Variants in CIMIP2B observed in about 807,000 individuals in gnomAD.
The protein encoded by CIMIP2B is family with sequence similarity 166 member B.
the CIMIP2B span, chr9:35,563,700 G>C: frequency 1.4e-6 from 2 of 1,470,714 alleles, no homozygotes; most frequent in Non-Finnish European, 1.9e-6. Context: ...GCTCTAAGCA[G>C]CTTAATTCCT....
At chr9:35,562,336 A>G in the CIMIP2B span, 4 of 1,280,954 alleles carry the variant, frequency 3.1e-6, no homozygotes, top group South Asian at 4.7e-5. Context: ...ACCCATACAA[A>G]CAAACATTCC....
chr9:35,562,426 G>T, the CIMIP2B span: 6 of 1,555,044 alleles, frequency 3.9e-6, no homozygotes, highest in East Asian at 6.8e-5. Flanking sequence ...GGTTCTGAGG[G>T]TATGTTCTGG....
the CIMIP2B span, chr9:35,563,139 G>T: frequency 6.2e-7 from 1 of 1,612,214 alleles, no homozygotes; most frequent in Non-Finnish European, 8.5e-7. Flanking sequence ...TCCTGGGAGG[G>T]GCACCTGTGC....
At chr9:35,562,260 C>A in the CIMIP2B span, 1 of 1,073,518 alleles carries the variant, frequency 9.3e-7, no homozygotes, top group African/African-American at 1.6e-5. Context: ...TAAAGCTGAA[C>A]CACATGATCT....
At chr9:35,562,650 T>A in the CIMIP2B span, 2 of 1,613,418 alleles carry the variant, frequency 1.2e-6, no homozygotes, top group Non-Finnish European at 1.7e-6. Flanking sequence ...AGCTCTCACC[T>A]GACATGAAGA....
At chr9:35,562,439 A>G in the CIMIP2B span, 1 of 1,574,686 alleles carries the variant, frequency 6.4e-7, no homozygotes, top group Non-Finnish European at 8.6e-7. Flanking sequence ...TGTTCTGGGA[A>G]GTGGGGGGAG....
At chr9:35,562,458 G>C in the CIMIP2B span, 1 of 1,582,036 alleles carries the variant, frequency 6.3e-7, no homozygotes, top group Non-Finnish European at 8.6e-7. Context: ...AGATGTTTGG[G>C]GTCCTGGGCA....
chr9:35,562,418 T>C, the CIMIP2B span: 2 of 1,538,124 alleles, frequency 1.3e-6, no homozygotes, highest in Non-Finnish European at 1.7e-6. Flanking sequence ...AAGACCCAGG[T>C]TCTGAGGGTA....
At chr9:35,562,081 A>C in the CIMIP2B span, 2 of 1,534,624 alleles carry the variant, frequency 1.3e-6, no homozygotes, top group African/African-American at 2.7e-5. Flanking sequence ...GTGTGGCCAA[A>C]CTGGAACTTA....
At chr9:35,563,286 C>T in the CIMIP2B span, 1 of 1,613,966 alleles carries the variant, frequency 6.2e-7, no homozygotes, top group Non-Finnish European at 8.5e-7. Context: ...GTGCGGTGGA[C>T]AGGGGGCCAG....
At chr9:35,561,925 C>T in the CIMIP2B span, 1 of 370,304 alleles carries the variant, frequency 2.7e-6, no homozygotes, top group South Asian at 2.1e-5. Context: ...CCCCACCCTC[C>T]CACCCTCCCA....
chr9:35,563,521 T>C, the CIMIP2B span: 2 of 795,838 alleles, frequency 2.5e-6, no homozygotes, highest in Non-Finnish European at 4.1e-6. Context: ...ATTTCTAAGT[T>C]CTCTGCCTGG....
At chr9:35,562,848 C>CA in the CIMIP2B span, 1 of 1,613,758 alleles carries the variant, frequency 6.2e-7, no homozygotes, top group Non-Finnish European at 8.5e-7. Context: ...CACACCTCTG[C>CA]ACTCCCCACC....
At chr9:35,562,437 GA>G in the CIMIP2B span, 1 of 1,573,942 alleles carries the variant, frequency 6.4e-7, no homozygotes, top group Admixed American at 1.8e-5. Flanking sequence ...TATGTTCTGG[GA>G]AGTGGGGGGA....
At chr9:35,562,339 AAC>A in the CIMIP2B span, 2 of 1,345,906 alleles carry the variant, frequency 1.5e-6, no homozygotes, top group Non-Finnish European at 2.0e-6. Context: ...CATACAAACA[AAC>A]ATTCCAGTCC....
At chr9:35,562,868 G>A in the CIMIP2B span, 89 of 1,613,752 alleles carry the variant, frequency 5.5e-5, no homozygotes, top group Non-Finnish European at 6.9e-5. Flanking sequence ...CAGCTTCTTG[G>A]TCTCACTTGT....
the CIMIP2B span, chr9:35,563,774 T>C: frequency 6.2e-7 from 1 of 1,613,804 alleles, no homozygotes; most frequent in Non-Finnish European, 8.5e-7. Flanking sequence ...TACCCTGGGA[T>C]ATAATGAGGG....
the CIMIP2B span, chr9:35,561,919 A>ACCTTCCC: frequency 9.2e-6 from 1 of 109,270 alleles, no homozygotes; most frequent in Admixed American, 1.2e-4. Flanking sequence ...GTGTTCCCCC[A>ACCTTCCC]CCCTCCCACC....
the CIMIP2B span, chr9:35,562,979 C>T: frequency 3.7e-6 from 6 of 1,613,884 alleles, no homozygotes; most frequent in Non-Finnish European, 5.1e-6. Context: ...GGTAGCTCTT[C>T]ACTCCCTTGC....
Sources: allele counts gnomAD v4.1 joint callset, GRCh38; gene constraint gnomAD v4.1.1; transcripts MANE v1.5; gene names NCBI Gene and HGNC (gene_info 2026-07-23, HGNC 2026-07-21).